CPA6: variants seen among roughly 807,000 people sequenced by gnomAD.
CPA6 encodes carboxypeptidase B.
In CPA6, 58 loss-of-function variants were observed where a neutral mutation model predicts 63.3. That is an observed-to-expected ratio of 0.92 (90% confidence interval 0.74 to 1.14). The LOEUF (loss-of-function observed/expected upper bound fraction) is 1.14. Among genes scored for constraint, CPA6 ranks in the 50% most tolerant of loss-of-function variants. The pLI, the probability that CPA6 is intolerant of heterozygous loss-of-function variation, is 0.00. For missense variants in CPA6, 565 were observed against 526.6 expected (o/e 1.07, Z -0.71); for synonymous variants, 185 against 179.0 (o/e 1.03, Z -0.27).
intron 1 of CPA6, among the ~76,000 whole-genome samples, chr8:67,636,615 G>A (rs986012544): frequency 6.6e-6 from 1 of 151,342 alleles, no homozygotes; most frequent in Non-Finnish European, 1.5e-5. Flanking sequence ...GTTTTCAGAA[G>A]GAAAGATTTA....
chr8:67,569,541 T>C, intron 2 of CPA6: 1 of 462,614 alleles, frequency 2.2e-6, no homozygotes, highest in South Asian at 1.7e-5. Context: ...AGGAACAAAA[T>C]TCCACACAGG....
At chr8:67,502,619 T>A (rs1269248028) in intron 6 of CPA6, among the ~76,000 whole-genome samples, 1 of 152,376 alleles carries the variant, frequency 6.6e-6, no homozygotes, top group East Asian at 1.9e-4. Context: ...CCTTTAGTGC[T>A]ATACATTTCC....
At chr8:67,552,187 A>G (rs1812953405) in intron 2 of CPA6, among the ~76,000 whole-genome samples, 1 of 152,236 alleles carries the variant, frequency 6.6e-6, no homozygotes. Flanking sequence ...CAAGCTTAAA[A>G]GTGAAGAAAC....
intron 1 of CPA6, among the ~76,000 whole-genome samples, chr8:67,745,734 C>A (rs1418295540): frequency 3.3e-5 from 5 of 152,184 alleles, no homozygotes; most frequent in African/African-American, 1.2e-4. Context: ...AAATACTGAC[C>A]ATGGCTACTC....
At position 67,428,141 on chromosome 8, in the gene CPA6, A is replaced by C. The variant is rs1232679469; in HGVS notation, c.1042-10T>G. On this transcript the variant is annotated splice_polypyrimidine_tract_variant and intron_variant, in intron 9 of 10. Coordinates refer to ENST00000297770, the MANE Select transcript of CPA6 (RefSeq NM_020361.5). ...TATAAGCTGCAGATTCCTATGAGGG[A>C]AAATGGGGAAATTTTATATATTGTT... 5.1e-6 allele frequency: 8 copies of C among 1,558,058 alleles called. No homozygotes were observed. The highest frequency in any genetic ancestry group is 4.4e-6 in the Non-Finnish European group (5 of 1,130,272).
At chr8:67,532,067 G>T (rs964515556) in intron 2 of CPA6, among the ~76,000 whole-genome samples, 12 of 151,958 alleles carry the variant, frequency 7.9e-5, no homozygotes, top group Admixed American at 7.2e-4. Flanking sequence ...TTGATGAATT[G>T]TATGTCTAAA....
intron 1 of CPA6, among the ~76,000 whole-genome samples, chr8:67,711,003 A>T (rs1817248958): frequency 6.6e-6 from 1 of 152,220 alleles, no homozygotes; most frequent in Non-Finnish European, 1.5e-5. Flanking sequence ...GACCACAGAG[A>T]TTCCCATCTT....
intron 1 of CPA6, among the ~76,000 whole-genome samples, chr8:67,663,079 C>T (rs1252038675): frequency 1.1e-4 from 16 of 152,204 alleles, no homozygotes. Flanking sequence ...TCCCTACCTA[C>T]TACCTGCCCT....
At chr8:67,520,355 G>C (rs1323971324) in intron 2 of CPA6, among the ~76,000 whole-genome samples, 1 of 152,142 alleles carries the variant, frequency 6.6e-6, no homozygotes, top group Non-Finnish European at 1.5e-5. Flanking sequence ...AGCTTCCTGG[G>C]AAACTTTCTC....
At chr8:67,601,602 A>G (rs781592399) in intron 2 of CPA6, among the ~76,000 whole-genome samples, 1 of 152,220 alleles carries the variant, frequency 6.6e-6, no homozygotes, top group Non-Finnish European at 1.5e-5. Flanking sequence ...GATAATGTAC[A>G]AATTATTTTA....
chr8:67,627,952 C>T lies in CPA6; in HGVS notation c.117-3701G>A, dbSNP rs1181354341. ...AGAAAATTCAGAAAGGGAACACGAT[C>T]TCCAACTCTATATTATGTCTGGGTC... On this transcript the variant is annotated intron_variant, in intron 1 of 10. Transcript: ENST00000297770. 2.0e-5 allele frequency among the ~76,000 whole-genome samples: 3 copies of T among 152,352 alleles called. No homozygotes were observed. The South Asian group carries it at 6.2e-4, about 32-fold the overall frequency.
chr8:67,647,564 G>A (rs934122480), intron 1 of CPA6, among the ~76,000 whole-genome samples: 3 of 152,154 alleles, frequency 2.0e-5, no homozygotes, highest in African/African-American at 7.2e-5. Flanking sequence ...ATGCTGAACT[G>A]AAGAAGCAGC....
chr8:67,577,177 A>T (rs1484714871), intron 2 of CPA6, among the ~76,000 whole-genome samples: 2 of 152,158 alleles, frequency 1.3e-5, no homozygotes, highest in Non-Finnish European at 2.9e-5. Flanking sequence ...ACGGAATCCC[A>T]TTTAACCCAA....
At chr8:67,700,644 C>T (rs1236154791) in intron 1 of CPA6, among the ~76,000 whole-genome samples, 1 of 152,170 alleles carries the variant, frequency 6.6e-6, no homozygotes, top group Non-Finnish European at 1.5e-5. Context: ...CTGTCTTCAT[C>T]TTTCCTTCCA....
chr8:67,572,612 A>G (rs1170302512), intron 2 of CPA6, among the ~76,000 whole-genome samples: 3 of 152,206 alleles, frequency 2.0e-5, no homozygotes, highest in Non-Finnish European at 4.4e-5. Context: ...ACCCAGTCTC[A>G]GGTATTCTTT....
rs367863871 is a variant in CPA6 at position 67,680,322 on chromosome 8, G to C, written c.117-56071C>G. ...TTCAAGAACAGCCGGGGAAACATTG[G>C]GAGACCCCATTTCTACAAAAAAATG... On this transcript the variant is annotated intron_variant, in intron 1 of 10. Transcript: ENST00000297770. Among the ~76,000 whole-genome samples, 5 of 151,918 alleles carry C rather than the reference G, an allele frequency of 3.3e-5. No individual in the cohort carries two copies. The East Asian group carries it at 9.7e-4, about 29-fold the overall frequency.
At chr8:67,459,350 T>C (rs1810748445) in intron 8 of CPA6, among the ~76,000 whole-genome samples, 1 of 152,062 alleles carries the variant, frequency 6.6e-6, no homozygotes, top group African/African-American at 2.4e-5. Context: ...ATTGACAAAA[T>C]TTGGAAGCAA....
chr8:67,633,573 C>T (rs1046241909), intron 1 of CPA6, among the ~76,000 whole-genome samples: 8 of 150,106 alleles, frequency 5.3e-5, no homozygotes, highest in Admixed American at 3.3e-4. Flanking sequence ...CCCAGCTACT[C>T]GGGAGGCTGA....
At chr8:67,702,015 C>T (rs1817034736) in intron 1 of CPA6, among the ~76,000 whole-genome samples, 1 of 152,052 alleles carries the variant, frequency 6.6e-6, no homozygotes, top group Admixed American at 6.6e-5. Flanking sequence ...CTCTCCTACT[C>T]TCAAGTGTTT....
Sources: allele counts gnomAD v4.1 joint callset (sites outside exome capture counted in the v4.1 genomes callset), GRCh38; gene constraint gnomAD v4.1.1; transcripts MANE v1.5; gene names NCBI Gene and HGNC (gene_info 2026-07-23, HGNC 2026-07-21).